ZNF662: variants seen among roughly 807,000 people sequenced by gnomAD.
The protein encoded by ZNF662 is zinc finger protein 662.
ZNF662 carries 14 observed loss-of-function variants against 12.4 expected under a neutral mutation model. The observed-to-expected ratio is 1.13, with a 90% CI of 0.75 to 1.77. The LOEUF (loss-of-function observed/expected upper bound fraction) is 1.77. Among genes scored for constraint, ZNF662 ranks in the 40% most tolerant of loss-of-function variants. The pLI is 0.00. For synonymous variants in ZNF662, 184 were observed against 176.4 expected, an observed-to-expected ratio of 1.04 and a Z score of -0.34; for missense variants, 550 against 515.6, an observed-to-expected ratio of 1.07 and a Z score of -0.65.
intron 3 of ZNF662, among the ~76,000 whole-genome samples, chr3:42,909,451 C>T (rs1331111442): frequency 6.6e-6 from 1 of 152,142 alleles, no homozygotes; most frequent in Non-Finnish European, 1.5e-5. Flanking sequence ...ATGGAGTCTC[C>T]TATGTCTACT....
rs895782379 is a variant in ZNF662, at chr3:42,915,287, A to T, written c.1214A>T (p.Lys405Met). 1.2e-6 allele frequency: 2 copies of T among 1,612,562 alleles called. No homozygotes were observed. The highest frequency in any genetic ancestry group is 3.3e-5 in the Admixed American group (2 of 59,812). ...TTCAGTCAGAATTCTGTCTTAATTA[A>T]GCACCAGAGGCGCCATGCTAGAGAC... is the stretch of plus-strand genomic sequence containing the variant. ...KAFSQNSVLIKHQRRHARDKP... is the reference protein window; with the variant it reads ...KAFSQNSVLIMHQRRHARDKP... The change falls in exon 5 of 5, where the codon AAG (lysine) becomes ATG (methionine). Residue 405 changes from lysine (K) to methionine (M), a missense_variant. Lys to Met is a moderately conservative substitution (Grantham distance 95). Transcript: ENST00000440367.
intron 3 of ZNF662, chr3:42,912,216 CAT>C (rs1035196354): frequency 8.7e-5 from 11 of 125,954 alleles, no homozygotes; most frequent in African/African-American, 3.3e-4. Flanking sequence ...AATATATAAT[CAT>C]ATAAATAAAA....
At position 42,917,176 on chromosome 3, in the gene ZNF662, A is replaced by C. The variant is rs2088903750; in HGVS notation, c.*1822A>C. The C allele has an allele frequency of 1.7e-5, 5 of 300,548 alleles. No homozygotes were observed. The highest frequency in any genetic ancestry group is 5.6e-5 in the East Asian group (1 of 17,736). The allele number at this position is 300,548 out of a possible 1,614,324, so 18.6% of individuals were successfully genotyped here. A position where few individuals can be genotyped will look rare whatever the true frequency, so the allele number is the denominator to read the frequency against. The stretch of plus-strand genomic sequence containing the variant: ...CTTCCCCTTCTCTCTGGGAACAGTT[A>C]CCCGGGTATTCTTTGGGAAGCTATC... On this transcript the variant is annotated 3_prime_UTR_variant, in exon 5 of 5. Coordinates refer to ENST00000440367, the MANE Select transcript of ZNF662 (RefSeq NM_207404.4).
Position 42,915,700 on chromosome 3 carries a change from A to C in ZNF662, c.*346A>C, listed in dbSNP as rs141239839. The C allele has an allele frequency of 3.7e-4, 75 of 201,800 alleles. No homozygotes were observed. The highest frequency in any genetic ancestry group is 1.7e-3 in the African/African-American group (73 of 43,190). 12.5% of individuals were successfully genotyped at this position (201,800 alleles called of 1,614,324 possible). On this transcript the variant is annotated 3_prime_UTR_variant, in exon 5 of 5. Transcript: ENST00000440367. ...AAAACTCATTCAGGGTTGCTCAGTTAGTAAGTTATAGAGTTGAAATTGGAG... is the reference window on the plus strand; with the variant it reads ...AAAACTCATTCAGGGTTGCTCAGTTCGTAAGTTATAGAGTTGAAATTGGAG...
chr3:42,908,893 A>G lies in ZNF662; in HGVS notation c.135A>G (p.Pro45=), dbSNP rs1429333966. Residue 45 remains proline, a synonymous_variant, in exon 3 of 5, where the codon CCA becomes CCG. Transcript: ENST00000440367. The part of the protein sequence containing the change: ...VPRGALDGEA[P]RGISSGYPFL... Reference sequence around the variant, plus strand: ...GGGGAGCTCTGGATGGAGAGGCCCCAAGGGGCATCTCCTCAGGTGAGTGAG... The same window carrying G: ...GGGGAGCTCTGGATGGAGAGGCCCCGAGGGGCATCTCCTCAGGTGAGTGAG... The G allele has an allele frequency of 6.2e-7, 1 of 1,612,638 alleles. No individual in the cohort carries two copies. The highest frequency in any genetic ancestry group is 1.7e-5 in the Admixed American group (1 of 60,010).
At chr3:42,911,571 A>G (rs188067461) in intron 3 of ZNF662, among the ~76,000 whole-genome samples, 44 of 152,316 alleles carry the variant, frequency 2.9e-4, no homozygotes, top group Admixed American at 8.5e-4. Flanking sequence ...GTCCCTACTC[A>G]AAGTCCACTT....
chr3:42,908,943 A>G (rs548329625), intron 3 of ZNF662, 34 bp downstream of exon 3: 2 of 1,478,308 alleles, frequency 1.4e-6, no homozygotes, highest in Non-Finnish European at 1.9e-6. Context: ...TCATCTGACC[A>G]GTTTTCTTGT....
chr3:42,915,947 C>G lies in ZNF662; in HGVS notation c.*593C>G, dbSNP rs1297412280. ...CCATCTTATATTTTTCTAATAGTCTCATGTCTTTTAATCTTAACCCCAGCT... is the reference window on the plus strand; with the variant it reads ...CCATCTTATATTTTTCTAATAGTCTGATGTCTTTTAATCTTAACCCCAGCT... On this transcript the variant is annotated 3_prime_UTR_variant, in exon 5 of 5. Transcript: ENST00000440367. 6.6e-6 allele frequency: 1 copy of G among 152,164 alleles called. No homozygotes were observed. Among genetic ancestry groups the G allele is most frequent in the East Asian group, 1.9e-4 (1 of 5,186 alleles). 9.4% of individuals were successfully genotyped at this position (152,164 alleles called of 1,614,324 possible).
In ZNF662 at chr3:42,913,231, C is replaced by G; in HGVS notation, c.182C>G (p.Ser61Cys). Residue 61 changes from serine to cysteine, a missense_variant, in exon 4 of 5, where the codon TCC becomes TGC. Transcript: ENST00000440367. ...GYPFLKPAGI[S>C]HPEQVEEPLN... ...CCATTTCTAAAGCCTGCTGGGATTT[C>G]CCATCCTGAGCAGGTGGAAGAGCCA... The G allele has an allele frequency of 1.9e-6, 3 of 1,614,012 alleles. No individual in the cohort carries two copies. The highest frequency in any genetic ancestry group is 2.5e-6 in the Non-Finnish European group (3 of 1,179,922).
chr3:42,914,547 T>C lies in ZNF662; in HGVS notation c.474T>C (p.Ile158=). Residue 158 remains isoleucine, a synonymous_variant, in exon 5 of 5, where the codon ATT becomes ATC. Coordinates refer to ENST00000440367, the MANE Select transcript of ZNF662 (RefSeq NM_207404.4). The stretch of plus-strand genomic sequence containing the variant: ...CTACAAATGATATTATAGAAGTGAT[T>C]GTCAAGGATGAGATGATCTCAGTAG... ...ESSTNDIIEV[I]VKDEMISVEE... 6.2e-7 allele frequency: 1 copy of C among 1,614,130 alleles called. No homozygotes were observed. Among genetic ancestry groups the C allele is most frequent in the South Asian group, 1.1e-5 (1 of 91,078 alleles).
In ZNF662 at chr3:42,906,399, C is replaced by G; in HGVS notation, c.-94+231C>G. 3 of 1,517,348 alleles carry G rather than the reference C, an allele frequency of 2.0e-6. No homozygotes were observed. The highest frequency in any genetic ancestry group is 2.6e-6 in the Non-Finnish European group (3 of 1,137,320). 94.0% of individuals were successfully genotyped at this position (1,517,348 alleles called of 1,614,324 possible). On this transcript the variant is annotated intron_variant, in intron 1 of 4. Transcript: ENST00000440367. The surrounding 1 kb of genome is among the most constrained non-coding windows in gnomAD (Gnocchi z 4.4). ...GCGGGACACGCCTCGGCCTTGTCCT[C>G]GAGCTGCTCCCGGGACAGCCCGCGC...
Position 42,915,592 on chromosome 3 carries a change from C to T in ZNF662, c.*238C>T, listed in dbSNP as rs971657919. 4.7e-6 allele frequency: 2 copies of T among 424,948 alleles called. No individual in the cohort carries two copies. Among genetic ancestry groups the T allele is most frequent in the East Asian group, 3.6e-5 (1 of 27,628 alleles). The allele number at this position is 424,948 out of a possible 1,614,324, so 26.3% of individuals were successfully genotyped here. On this transcript the variant is annotated 3_prime_UTR_variant, in exon 5 of 5. Coordinates refer to ENST00000440367, the MANE Select transcript of ZNF662 (RefSeq NM_207404.4). ...TATCAGGTGCTAACCACTTTACATACATTAATTTGCATAACAATCCTATTA... is the reference window on the plus strand; with the variant it reads ...TATCAGGTGCTAACCACTTTACATATATTAATTTGCATAACAATCCTATTA...
chr3:42,917,786 T>C lies in ZNF662; in HGVS notation c.*2432T>C. 1 of 583,698 alleles carries C rather than the reference T, an allele frequency of 1.7e-6. No homozygotes were observed. Among genetic ancestry groups the C allele is most frequent in the Non-Finnish European group, 3.0e-6 (1 of 332,642 alleles). The allele number at this position is 583,698 out of a possible 1,614,324, so 36.2% of individuals were successfully genotyped here. On this transcript the variant is annotated 3_prime_UTR_variant, in exon 5 of 5. Coordinates refer to ENST00000440367, the MANE Select transcript of ZNF662 (RefSeq NM_207404.4). Reference sequence around the variant, plus strand: ...ATAAGCTTCTCAGTTTTATCTCATCTCAGTTGCTTGGAAGTTGAGCATCTA... The same window carrying C: ...ATAAGCTTCTCAGTTTTATCTCATCCCAGTTGCTTGGAAGTTGAGCATCTA...
At chr3:42,914,217 G>A in intron 4 of ZNF662, 110 bp from the exon 5 acceptor site, 1 of 981,066 alleles carries the variant, frequency 1.0e-6, no homozygotes, top group East Asian at 2.4e-5. Flanking sequence ...CAGGGCCACT[G>A]AGACATGGGT....
Position 42,918,442 on chromosome 3 carries a change from C to T in ZNF662, c.*3088C>T, listed in dbSNP as rs569022917. Among the ~76,000 whole-genome samples the T allele has an allele frequency of 2.6e-5, 4 of 152,294 alleles. No individual in the cohort carries two copies. In the South Asian group the frequency reaches 8.3e-4, roughly 32 times the overall value. ...CCTGCATGAATTCCTGGTGGCTACA[C>T]CCCGTTCTCCCAGTGTGCAGGCAGG... On this transcript the variant is annotated 3_prime_UTR_variant, in exon 5 of 5. Transcript: ENST00000440367.
chr3:42,910,220 C>T (rs561457719), intron 3 of ZNF662, among the ~76,000 whole-genome samples: 19 of 152,292 alleles, frequency 1.2e-4, no homozygotes, highest in African/African-American at 2.4e-4. Context: ...GGCGTGGCGG[C>T]GCCCGCCTGC....
At chr3:42,909,584 C>A (rs1254684706) in intron 3 of ZNF662, among the ~76,000 whole-genome samples, 1 of 152,228 alleles carries the variant, frequency 6.6e-6, no homozygotes, top group Non-Finnish European at 1.5e-5. Context: ...TTGGGTACAC[C>A]TCCCAGACGG....
chr3:42,908,856 G>C lies in ZNF662; in HGVS notation c.98G>C (p.Cys33Ser), dbSNP rs753597686. Residue 33 changes from cysteine (C) to serine (S), a missense_variant, in exon 3 of 5, where the codon TGC (cysteine) becomes TCC (serine). Physicochemically the swap from Cys to Ser is moderately radical, Grantham distance 112. Coordinates refer to ENST00000440367, the MANE Select transcript of ZNF662 (RefSeq NM_207404.4). ...SQLERGETPW[C>S]SVPRGALDGE... ...CTGGAGCGAGGGGAAACACCCTGGTGCTCGGTTCCTCGGGGAGCTCTGGAT... is the reference window on the plus strand; with the variant it reads ...CTGGAGCGAGGGGAAACACCCTGGTCCTCGGTTCCTCGGGGAGCTCTGGAT... 8 of 1,614,160 alleles carry C rather than the reference G, an allele frequency of 5.0e-6. No individual in the cohort carries two copies. Among genetic ancestry groups the C allele is most frequent in the Admixed American group, 1.7e-5 (1 of 60,032 alleles).
rs377722591 is a variant in ZNF662, at chr3:42,914,840, C to T, written c.767C>T (p.Ala256Val). ...KPYECQECAKAFVWKSNLIRH... is the reference protein window; with the variant it reads ...KPYECQECAKVFVWKSNLIRH... ...TATGAATGTCAAGAATGTGCTAAGGCCTTTGTTTGGAAGTCAAACCTGATT... is the reference window on the plus strand; with the variant it reads ...TATGAATGTCAAGAATGTGCTAAGGTCTTTGTTTGGAAGTCAAACCTGATT... Residue 256 changes from alanine (A) to valine (V), a missense_variant, in exon 5 of 5, where the codon GCC becomes GTC. Transcript: ENST00000440367. The T allele has an allele frequency of 3.7e-6, 6 of 1,613,642 alleles. No individual in the cohort carries two copies. The highest frequency in any genetic ancestry group is 5.1e-6 in the Non-Finnish European group (6 of 1,179,968).
Sources: gnomAD v4.1 joint callset for allele counts (sites outside exome capture counted in the v4.1 genomes callset) on GRCh38, gnomAD v4.1.1 for gene constraint, Gnocchi (gnomAD v3.1) non-coding constraint, MANE v1.5 for transcripts, NCBI Gene and HGNC (gene_info 2026-07-23, HGNC 2026-07-21) for gene names.